The following PRDM2 variants were observed in gnomAD, a reference collection of about 807,000 sequenced individuals.
PRDM2 encodes the protein PR/SET domain 2, also known as PR domain zinc finger protein 2.
A neutral mutation model predicts 130.0 loss-of-function variants in PRDM2; 30 were observed. The observed-to-expected ratio is 0.23, with a 90% CI of 0.17 to 0.31. The LOEUF (loss-of-function observed/expected upper bound fraction) is 0.31. Ranked by LOEUF, PRDM2 falls within the 10% of genes least tolerant of loss-of-function variation. PRDM2 has a pLI of 1.00. For missense variants in PRDM2, 2,011 were observed against 2,108.4 expected, an observed-to-expected ratio of 0.95 and a Z score of 0.90; for synonymous variants, 871 against 782.4, an observed-to-expected ratio of 1.11 and a Z score of -1.89.
At chr1:13,778,297 C>G in intron 7 of PRDM2, 121 bp from the exon 8 acceptor site, 1 of 1,010,524 alleles carries the variant, frequency 9.9e-7, no homozygotes, top group Non-Finnish European at 1.5e-6. Flanking sequence ...ATTTATTGTT[C>G]ATCATCATCT....
chr1:13,771,206 G>A lies in PRDM2; in HGVS notation c.512-1872G>A, dbSNP rs1478303187. Among the ~76,000 whole-genome samples the A allele has an allele frequency of 6.6e-6, 1 of 152,180 alleles. No homozygotes were observed. Among genetic ancestry groups the A allele is most frequent in the East Asian group, 1.9e-4 (1 of 5,194 alleles). ...GTGCTTAGATGTTTGTGCCCCTTAT[G>A]GAGGGGATTGGCTTATAATTCTTCA... On this transcript the variant is annotated intron_variant, in intron 6 of 9. Coordinates refer to ENST00000311066, the MANE Select transcript of PRDM2 (RefSeq NM_001393986.1). This position sits in a 1 kb window ranked among gnomAD's most constrained non-coding sequence, Gnocchi z 4.1.
At chr1:13,813,323 C>A (rs1049555334) in intron 8 of PRDM2, among the ~76,000 whole-genome samples, 4 of 152,106 alleles carry the variant, frequency 2.6e-5, no homozygotes, top group Admixed American at 6.5e-5. Context: ...AATTCCGGAG[C>A]CTTGGTCCTC....
rs1490347666 is a variant in PRDM2 at position 13,824,776 on chromosome 1, C to T, written c.*1641C>T. On this transcript the variant is annotated 3_prime_UTR_variant, in exon 10 of 10. Transcript: ENST00000311066. The stretch of plus-strand genomic sequence containing the variant: ...CCCCGGCCTCTCAGTTCTTGAGGGC[C>T]TCCCCACCGCAGCAGCAAGGAAAGC... 2 of 152,286 alleles carry T rather than the reference C, an allele frequency of 1.3e-5. No homozygotes were observed. Among genetic ancestry groups the T allele is most frequent in the East Asian group, 1.9e-4 (1 of 5,190 alleles). 9.4% of individuals were successfully genotyped at this position (152,286 alleles called of 1,614,324 possible).
Position 13,816,531 on chromosome 1 carries a change from C to G in PRDM2, c.5141C>G (p.Pro1714Arg). 6.2e-7 allele frequency: 1 copy of G among 1,614,094 alleles called. No individual in the cohort carries two copies. The highest frequency in any genetic ancestry group is 1.1e-5 in the South Asian group (1 of 91,078). ...KAPAAAQFQG[P>R]FFKE Reference sequence around the variant, plus strand: ...CCAGCTGCAGCCCAGTTCCAGGGACCATTCTTCAAAGAGTAGACACTCTGG... The same window carrying G: ...CCAGCTGCAGCCCAGTTCCAGGGACGATTCTTCAAAGAGTAGACACTCTGG... Residue 1714 changes from proline (P) to arginine (R), a missense_variant, in exon 9 of 10, where the codon CCA (proline) becomes CGA (arginine). Transcript: ENST00000311066.
intron 8 of PRDM2, among the ~76,000 whole-genome samples, chr1:13,785,216 A>G (rs1218602943): frequency 1.3e-5 from 2 of 152,166 alleles, no homozygotes; most frequent in African/African-American, 4.8e-5. Flanking sequence ...TCTACTTGTA[A>G]ATTTCGTGTA....
At chr1:13,748,969 C>A (rs1643704844) in intron 5 of PRDM2, among the ~76,000 whole-genome samples, 1 of 152,212 alleles carries the variant, frequency 6.6e-6, no homozygotes. Flanking sequence ...CTCCGCTTTC[C>A]ACACCGCACG....
intron 6 of PRDM2, among the ~76,000 whole-genome samples, chr1:13,768,291 G>T (rs1472541687): frequency 6.6e-6 from 1 of 151,540 alleles, no homozygotes; most frequent in East Asian, 1.9e-4. Flanking sequence ...CACCGCACTA[G>T]CCAGGATGGT....
At chr1:13,800,378 G>T (rs114857261) in intron 8 of PRDM2, among the ~76,000 whole-genome samples, 2,090 of 152,334 alleles carry the variant, frequency 0.014, 32 homozygotes, top group South Asian at 0.058. Flanking sequence ...TCAGGAGGGG[G>T]CATCCCGCCT....
chr1:13,737,564 A>G (rs763112146), intron 4 of PRDM2, among the ~76,000 whole-genome samples: 3 of 152,192 alleles, frequency 2.0e-5, no homozygotes, highest in Non-Finnish European at 4.4e-5. Flanking sequence ...TTTGCTGAGA[A>G]GCTGAGTGGT....
chr1:13,727,034 ACCCCTGCCTGCCC>A (rs1642940897), intron 2 of PRDM2, among the ~76,000 whole-genome samples: 1 of 151,840 alleles, frequency 6.6e-6, no homozygotes, highest in Non-Finnish European at 1.5e-5. Context: ...CAGAGACCTT[ACCCCTGCCTGCCC>A]CTCCTGCCTC....
rs1456335892 is a variant in PRDM2 at position 13,803,509 on chromosome 1, C to T, written c.5037-12918C>T. On this transcript the variant is annotated intron_variant, in intron 8 of 9. Coordinates refer to ENST00000311066, the MANE Select transcript of PRDM2 (RefSeq NM_001393986.1). This position sits in a 1 kb window ranked among gnomAD's most constrained non-coding sequence, Gnocchi z 6.2. ...TACCCTTCTTCCCATCATCAATGTC[C>T]CCAAATAAGCAGTGAGCCTAGTCCT... Among the ~76,000 whole-genome samples the T allele has an allele frequency of 1.3e-5, 2 of 152,086 alleles. No homozygotes were observed. Among genetic ancestry groups the T allele is most frequent in the African/African-American group, 4.8e-5 (2 of 41,408 alleles).
chr1:13,722,387 G>A (rs1004050806), intron 2 of PRDM2, among the ~76,000 whole-genome samples: 2 of 152,194 alleles, frequency 1.3e-5, no homozygotes, highest in African/African-American at 4.8e-5. Context: ...GTAGCAAGGG[G>A]ACCTAATGTG....
intron 8 of PRDM2, 142 bp downstream of exon 8, chr1:13,782,973 A>AG: frequency 6.6e-7 from 1 of 1,514,184 alleles, no homozygotes; most frequent in Non-Finnish European, 8.8e-7. Flanking sequence ...AAAGGCATGA[A>AG]GGGTCATTGC....
At chr1:13,746,885 C>T (rs1267520358) in intron 5 of PRDM2, among the ~76,000 whole-genome samples, 2 of 152,180 alleles carry the variant, frequency 1.3e-5, no homozygotes, top group Non-Finnish European at 2.9e-5. Flanking sequence ...TAGCAGCTAA[C>T]GAATGTGTTC....
intron 8 of PRDM2, chr1:13,783,234 T>C: frequency 2.0e-6 from 1 of 492,922 alleles, no homozygotes; most frequent in Non-Finnish European, 4.0e-6. Flanking sequence ...AGTTCATTAG[T>C]AAACCATGTT....
intron 4 of PRDM2, 60 bp from the exon 5 acceptor site, chr1:13,741,945 G>T: frequency 2.3e-6 from 3 of 1,327,336 alleles, no homozygotes; most frequent in Non-Finnish European, 3.2e-6. Context: ...GTTAAAAATG[G>T]AGGCATTTTA....
chr1:13,711,842 C>T (rs1026988657), intron 1 of PRDM2, among the ~76,000 whole-genome samples: 18 of 152,036 alleles, frequency 1.2e-4, no homozygotes, highest in African/African-American at 3.9e-4. Flanking sequence ...GCTCTCCCCA[C>T]ACAGATATAT....
intron 6 of PRDM2, among the ~76,000 whole-genome samples, chr1:13,760,962 G>A (rs1273455441): frequency 2.0e-5 from 3 of 152,134 alleles, no homozygotes; most frequent in Non-Finnish European, 4.4e-5. Flanking sequence ...TTTCAAATTA[G>A]TTAAGAGTAA....
At chr1:13,749,932 G>T (rs1023157678) in intron 6 of PRDM2, among the ~76,000 whole-genome samples, 3 of 152,256 alleles carry the variant, frequency 2.0e-5, no homozygotes, top group East Asian at 1.9e-4. Context: ...GGCCCGCCGC[G>T]CAGGACGCGG....
Sources: gnomAD v4.1 joint callset for allele counts (sites outside exome capture counted in the v4.1 genomes callset) on GRCh38, gnomAD v4.1.1 for gene constraint, Gnocchi (gnomAD v3.1) non-coding constraint, MANE v1.5 for transcripts, NCBI Gene and HGNC (gene_info 2026-07-23, HGNC 2026-07-21) for gene names.